LEKR1: variants seen among roughly 807,000 people sequenced by gnomAD.
LEKR1 encodes the protein protein LEKR1.
In LEKR1, 59 loss-of-function variants were observed where a neutral mutation model predicts 72.4. That is an observed-to-expected ratio of 0.82 (90% CI 0.66 to 1.01). LEKR1 has a LOEUF of 1.01. LEKR1 is among the 50% of genes least tolerant of loss of function. The pLI, the probability that LEKR1 is intolerant of heterozygous loss-of-function variation, is 0.00. For missense variants in LEKR1, 728 were observed against 759.2 expected, an observed-to-expected ratio of 0.96 and a Z score of 0.48; for synonymous variants, 257 against 263.2, an observed-to-expected ratio of 0.98 and a Z score of 0.23.
intron 6 of LEKR1, among the ~76,000 whole-genome samples, chr3:156,951,027 G>GGTCTATTC (rs1727110199): frequency 6.6e-6 from 1 of 151,134 alleles, no homozygotes; most frequent in South Asian, 2.1e-4. Flanking sequence ...CTTATTTTGA[G>GGTCTATTC]GTCTATTCCT....
In LEKR1 at chr3:157,028,263, G is replaced by C; in HGVS notation, c.1529G>C (p.Arg510Pro). The change falls in exon 12 of 13, where the codon CGC becomes CCC. Residue 510 changes from arginine (R) to proline (P), a missense_variant. Coordinates refer to ENST00000356539, the MANE Select transcript of LEKR1 (RefSeq NM_001004316.3). ...AATTTGGTTGCAGAATTTGAATCTC[G>C]CTTGAAGAAGGAAATTGACAGTAAT... ...LKNLVAEFES[R>P]LKKEIDSNDS... 1 of 1,613,540 alleles carries C rather than the reference G, an allele frequency of 6.2e-7. No homozygotes were observed. Among genetic ancestry groups the C allele is most frequent in the Admixed American group, 1.7e-5 (1 of 59,916 alleles).
chr3:157,003,931 A>C (rs1732213597), intron 9 of LEKR1, among the ~76,000 whole-genome samples: 2 of 152,186 alleles, frequency 1.3e-5, no homozygotes, highest in South Asian at 4.1e-4. Flanking sequence ...AGGGAAGAAA[A>C]AACAGATGGG....
chr3:156,906,199 T>C (rs1722518000), intron 3 of LEKR1, among the ~76,000 whole-genome samples: 1 of 152,146 alleles, frequency 6.6e-6, no homozygotes, highest in East Asian at 1.9e-4. Flanking sequence ...AGTATTTCCT[T>C]TTAGAATATT....
At chr3:156,992,405 GT>G (rs1731206912) in intron 7 of LEKR1, among the ~76,000 whole-genome samples, 1 of 152,058 alleles carries the variant, frequency 6.6e-6, no homozygotes, top group African/African-American at 2.4e-5. Flanking sequence ...GGTATTTTGG[GT>G]TTTGGTTTTG....
chr3:156,938,162 C>T (rs1486432588), intron 5 of LEKR1, among the ~76,000 whole-genome samples: 2 of 151,972 alleles, frequency 1.3e-5, no homozygotes, highest in Non-Finnish European at 2.9e-5. Flanking sequence ...CACACACACA[C>T]ATGAGTGTGT....
intron 3 of LEKR1, among the ~76,000 whole-genome samples, chr3:156,874,102 T>C (rs146836447): frequency 4.4e-3 from 665 of 152,236 alleles, no homozygotes; most frequent in African/African-American, 0.015. Context: ...AATCCATTCA[T>C]TTTCTGTTGC....
intron 4 of LEKR1, chr3:156,924,757 A>G: frequency 1.0e-5 from 4 of 382,168 alleles, no homozygotes; most frequent in Non-Finnish European, 1.4e-5. Context: ...TAAATTCACC[A>G]TAAATGTAAA....
intron 9 of LEKR1, among the ~76,000 whole-genome samples, chr3:157,004,393 C>T (rs1487921462): frequency 6.6e-6 from 1 of 151,988 alleles, no homozygotes; most frequent in Non-Finnish European, 1.5e-5. Flanking sequence ...ATGTCAATAC[C>T]CCCTCTTAAT....
intron 3 of LEKR1, among the ~76,000 whole-genome samples, chr3:156,918,794 G>A (rs574733756): frequency 6.6e-6 from 1 of 152,152 alleles, no homozygotes; most frequent in Non-Finnish European, 1.5e-5. Context: ...AGTTGCCTTT[G>A]GCAGTGGGAA....
chr3:156,905,756 T>C (rs906178588), intron 3 of LEKR1, among the ~76,000 whole-genome samples: 1 of 152,160 alleles, frequency 6.6e-6, no homozygotes, highest in African/African-American at 2.4e-5. Context: ...TCTGAATGAA[T>C]TTAGGTAGTG....
intron 7 of LEKR1, among the ~76,000 whole-genome samples, chr3:156,980,707 T>TCTAGGCATAGGGAGGTGGTGTTAG (rs1560124156): frequency 6.6e-6 from 1 of 152,144 alleles, no homozygotes; most frequent in Non-Finnish European, 1.5e-5. Flanking sequence ...GAGGGCACAG[T>TCTAGGCATAGGGAGGTGGTGTTAG]CTAGGCATAG....
chr3:156,851,676 T>C (rs1177890339), intron 2 of LEKR1, among the ~76,000 whole-genome samples: 1 of 152,150 alleles, frequency 6.6e-6, no homozygotes, highest in Non-Finnish European at 1.5e-5. Flanking sequence ...TTTATAAAAA[T>C]GTGTTTTTTT....
chr3:156,927,654 C>T (rs1724842571), intron 5 of LEKR1, 50 bp downstream of exon 5: 2 of 681,352 alleles, frequency 2.9e-6, no homozygotes, highest in Admixed American at 1.1e-4. Context: ...GTAAATGGTA[C>T]ATCATAAGTA....
intron 3 of LEKR1, among the ~76,000 whole-genome samples, chr3:156,866,727 A>C (rs983269160): frequency 1.3e-5 from 2 of 152,018 alleles, no homozygotes; most frequent in African/African-American, 4.8e-5. Flanking sequence ...GGCTGGCTGG[A>C]TGGATGGGTA....
chr3:157,035,462 TAA>T (rs1472806499), intron 12 of LEKR1, among the ~76,000 whole-genome samples: 1 of 152,156 alleles, frequency 6.6e-6, no homozygotes, highest in Non-Finnish European at 1.5e-5. Context: ...ACAGAAGAGA[TAA>T]AGCAAGAGTA....
chr3:156,855,900 C>T (rs1370947425), intron 3 of LEKR1, among the ~76,000 whole-genome samples: 1 of 152,016 alleles, frequency 6.6e-6, no homozygotes, highest in Non-Finnish European at 1.5e-5. Context: ...GTCTCACTGG[C>T]TTTACTTCTT....
intron 4 of LEKR1, among the ~76,000 whole-genome samples, chr3:156,926,125 A>T (rs1724696097): frequency 6.6e-6 from 1 of 151,976 alleles, no homozygotes; most frequent in African/African-American, 2.4e-5. Flanking sequence ...AATTATTCAG[A>T]TACATTGGAG....
In LEKR1 at chr3:156,861,403, T is replaced by C. The variant is rs116517639; in HGVS notation, c.263+8421T>C. 4.5e-3 allele frequency among the ~76,000 whole-genome samples: 688 copies of C among 152,270 alleles called. 6 individuals are homozygous for C. Among genetic ancestry groups the C allele is most frequent in the African/African-American group, 0.016 (661 of 41,576 alleles). ...TTAATTTTGAATAATCAAGATTTGATAGAACAAAGAACTGATGCAGAACTG... is the reference window on the plus strand; with the variant it reads ...TTAATTTTGAATAATCAAGATTTGACAGAACAAAGAACTGATGCAGAACTG... On this transcript the variant is annotated intron_variant, in intron 3 of 12. Coordinates refer to ENST00000356539, the MANE Select transcript of LEKR1 (RefSeq NM_001004316.3).
intron 3 of LEKR1, among the ~76,000 whole-genome samples, chr3:156,864,955 T>G (rs942313155): frequency 1.3e-5 from 2 of 152,044 alleles, no homozygotes; most frequent in African/African-American, 4.8e-5. Context: ...TTGCTTTTAT[T>G]CAGCCCTGAA....
Sources: gnomAD v4.1 joint callset for allele counts (sites outside exome capture counted in the v4.1 genomes callset) on GRCh38, gnomAD v4.1.1 for gene constraint, MANE v1.5 for transcripts, NCBI Gene and HGNC (gene_info 2026-07-23, HGNC 2026-07-21) for gene names.